KCNH1: variants seen among roughly 807,000 people sequenced by gnomAD.
KCNH1 encodes potassium voltage-gated channel subfamily H member 1.
A neutral mutation model predicts 69.2 loss-of-function variants in KCNH1; 27 were observed. The ratio of observed to expected loss-of-function variants is 0.39; its 90% CI spans 0.29 to 0.54. The LOEUF is 0.54. KCNH1 is among the 20% of genes least tolerant of loss of function. The pLI, the probability that KCNH1 is intolerant of heterozygous loss-of-function variation, is 0.68. For synonymous variants in KCNH1, 456 were observed against 487.7 expected (o/e 0.93, Z 0.86); for missense variants, 798 against 1,261.6 (o/e 0.63, Z 5.57).
chr1:211,084,586 T>C (rs1175106703), intron 4 of KCNH1, among the ~76,000 whole-genome samples: 1 of 151,986 alleles, frequency 6.6e-6, no homozygotes, highest in African/African-American at 2.4e-5. Flanking sequence ...TTTGCAAGAG[T>C]GGGCTCTTAA....
Position 211,091,372 on chromosome 1 carries a change from G to A in KCNH1, c.311-682C>T, listed in dbSNP as rs767058284. Among the ~76,000 whole-genome samples the A allele has an allele frequency of 5.3e-5, 8 of 151,946 alleles. No individual in the cohort carries two copies. In the South Asian group the frequency reaches 1.2e-3, roughly 24 times the overall value. ...TAATTTTTGTATTTTTAGTAGAGGC[G>A]GCCAGGGTGCTCTCGAACTCTCAAC... is the stretch of plus-strand genomic sequence containing the variant. On this transcript the variant is annotated intron_variant, in intron 3 of 10. Coordinates refer to ENST00000271751, the MANE Select transcript of KCNH1 (RefSeq NM_172362.3).
At chr1:211,077,422 T>G (rs1188966904) in intron 5 of KCNH1, among the ~76,000 whole-genome samples, 1 of 152,152 alleles carries the variant, frequency 6.6e-6, no homozygotes, top group African/African-American at 2.4e-5. Flanking sequence ...GCAGAAACTC[T>G]TACAAGCCAG....
chr1:211,014,682 C>A (rs189400262), intron 6 of KCNH1, among the ~76,000 whole-genome samples: 1 of 152,328 alleles, frequency 6.6e-6, no homozygotes, highest in African/African-American at 2.4e-5. Context: ...TCACGTCCTT[C>A]TTTGGTGGTC....
At chr1:210,898,418 G>A (rs964691105) in intron 7 of KCNH1, among the ~76,000 whole-genome samples, 3 of 152,328 alleles carry the variant, frequency 2.0e-5, no homozygotes, top group Admixed American at 2.0e-4. Flanking sequence ...GTGGCTTACA[G>A]TCTTGAGAAA....
chr1:210,820,687 A>G (rs1684911634), intron 7 of KCNH1, among the ~76,000 whole-genome samples: 1 of 152,180 alleles, frequency 6.6e-6, no homozygotes, highest in Admixed American at 6.5e-5. Context: ...GGATCTTGGG[A>G]TGAGAAGATT....
intron 6 of KCNH1, among the ~76,000 whole-genome samples, chr1:211,007,367 A>G (rs1041374327): frequency 2.0e-5 from 3 of 152,210 alleles, no homozygotes; most frequent in Non-Finnish European, 2.9e-5. Context: ...TAACTGGGTT[A>G]AGAGCTTCAC....
chr1:210,931,133 C>T (rs1407208128), intron 6 of KCNH1, among the ~76,000 whole-genome samples: 1 of 152,116 alleles, frequency 6.6e-6, no homozygotes, highest in Non-Finnish European at 1.5e-5. Flanking sequence ...AAAAGTAGAT[C>T]TACCATTTGA....
At chr1:211,050,260 TAAAAAAAAAAAAAAAAAA>T (rs747498526) in intron 5 of KCNH1, among the ~76,000 whole-genome samples, 4 of 58,576 alleles carry the variant, frequency 6.8e-5, no homozygotes, top group Non-Finnish European at 9.2e-5. Context: ...CACACATTCT[TAAAAAAAAAAAAAAAAAA>T]AAAAAAAAAA....
At chr1:210,927,038 A>C (rs1312868200) in intron 6 of KCNH1, among the ~76,000 whole-genome samples, 1 of 152,204 alleles carries the variant, frequency 6.6e-6, no homozygotes, top group African/African-American at 2.4e-5. Flanking sequence ...AATTTTAAAA[A>C]ATGAACAAAG....
In KCNH1 at chr1:211,034,227, T is replaced by C. The variant is rs542652811; in HGVS notation, c.559-14971A>G. ...AAATGGTTAAACTGTGTTGCTTCTA[T>C]ATATATCATAGAGCTCTACTCAGCA... On this transcript the variant is annotated intron_variant, in intron 5 of 10. Transcript: ENST00000271751. Among the ~76,000 whole-genome samples the C allele has an allele frequency of 3.0e-4, 46 of 152,232 alleles. 1 individual carries two copies. Among genetic ancestry groups the C allele is most frequent in the Non-Finnish European group, 6.0e-4 (41 of 68,016 alleles).
chr1:210,916,206 T>C (rs1687329776), intron 7 of KCNH1, among the ~76,000 whole-genome samples: 1 of 152,228 alleles, frequency 6.6e-6, no homozygotes, highest in Non-Finnish European at 1.5e-5. Flanking sequence ...TCGGTAAATC[T>C]AGTAAGACAT....
At chr1:210,936,422 C>A (rs1687775686) in intron 6 of KCNH1, among the ~76,000 whole-genome samples, 1 of 152,152 alleles carries the variant, frequency 6.6e-6, no homozygotes. Context: ...TCCCTTACAT[C>A]CTGGAGTTAA....
chr1:210,999,824 G>C (rs1689136053), intron 6 of KCNH1, among the ~76,000 whole-genome samples: 1 of 152,114 alleles, frequency 6.6e-6, no homozygotes, highest in African/African-American at 2.4e-5. Context: ...CTATGATCAA[G>C]TTGGCTTCAT....
In KCNH1 at chr1:210,919,869, C is replaced by T. The variant is rs1574338881; in HGVS notation, c.1233G>A (p.Lys411=). The part of the protein sequence containing the change: ...GDYEIFDEDT[K]TIRNNSWLYQ... Reference sequence around the variant, plus strand: ...ACAGCCAGCTGTTGTTGCGGATTGTCTTGGTGTCCTCGTCAAAGATCTCAT... The same window carrying T: ...ACAGCCAGCTGTTGTTGCGGATTGTTTTGGTGTCCTCGTCAAAGATCTCAT... Residue 411 remains lysine, a synonymous_variant, in exon 7 of 11, where the codon AAG becomes AAA. Coordinates refer to ENST00000271751, the MANE Select transcript of KCNH1 (RefSeq NM_172362.3). The surrounding 1 kb of genome is among the most constrained non-coding windows in gnomAD (Gnocchi z 4.2). 5 of 1,614,198 alleles carry T rather than the reference C, an allele frequency of 3.1e-6. No homozygotes were observed. The highest frequency in any genetic ancestry group is 4.2e-6 in the Non-Finnish European group (5 of 1,180,012).
chr1:210,797,467 A>G, intron 9 of KCNH1, 41 bp downstream of exon 9: 4 of 1,597,878 alleles, frequency 2.5e-6, no homozygotes, highest in Non-Finnish European at 3.4e-6. Flanking sequence ...AGCTAAGCCA[A>G]CCCCAGATAC....
At chr1:210,859,239 T>C in intron 7 of KCNH1, 1 of 1,612,402 alleles carries the variant, frequency 6.2e-7, no homozygotes, top group Non-Finnish European at 8.5e-7. Flanking sequence ...GCACTGAATT[T>C]GTATCCTCCA....
At chr1:210,952,010 C>A (rs1042678247) in intron 6 of KCNH1, among the ~76,000 whole-genome samples, 1 of 152,130 alleles carries the variant, frequency 6.6e-6, no homozygotes, top group East Asian at 1.9e-4. Flanking sequence ...AGGACACTTG[C>A]GCGGGGTACA....
chr1:210,771,036 C>G (rs1683743382), intron 10 of KCNH1, among the ~76,000 whole-genome samples: 1 of 152,264 alleles, frequency 6.6e-6, no homozygotes, highest in South Asian at 2.1e-4. Flanking sequence ...ATGTAATAAG[C>G]TGACATACAC....
intron 6 of KCNH1, among the ~76,000 whole-genome samples, chr1:210,953,526 C>T (rs548857812): frequency 6.5e-4 from 99 of 152,334 alleles, no homozygotes; most frequent in African/African-American, 2.3e-3. Flanking sequence ...GGATCTCTCC[C>T]TTTCGCTGCA....
Sources: allele counts gnomAD v4.1 joint callset (sites outside exome capture counted in the v4.1 genomes callset), GRCh38; gene constraint gnomAD v4.1.1; non-coding constraint Gnocchi (gnomAD v3.1); transcripts MANE v1.5; gene names NCBI Gene and HGNC (gene_info 2026-07-23, HGNC 2026-07-21).